The following CENPE variants were observed in gnomAD, a reference collection of about 807,000 sequenced individuals.
CENPE encodes centromere protein E.
In CENPE, 145 loss-of-function variants were observed where a neutral mutation model predicts 336.1. The observed-to-expected ratio is 0.43, with a 90% confidence interval of 0.38 to 0.50. The LOEUF (loss-of-function observed/expected upper bound fraction) is 0.50. Among genes scored for constraint, CENPE ranks in the 20% least tolerant of loss-of-function variants. CENPE has a pLI of 0.00. For synonymous variants in CENPE, 1,013 were observed against 984.8 expected, an observed-to-expected ratio of 1.03 and a Z score of -0.54; for missense variants, 2,719 against 3,023.3, an observed-to-expected ratio of 0.90 and a Z score of 2.36.
At chr4:103,176,187 C>A in intron 14 of CENPE, 139 bp from the exon 15 acceptor site, 1 of 508,162 alleles carries the variant, frequency 2.0e-6, no homozygotes, top group Non-Finnish European at 3.5e-6. Flanking sequence ...AGTATGAATA[C>A]CAAAAGTACA....
chr4:103,115,011 T>C (rs2720452), intron 45 of CENPE, among the ~76,000 whole-genome samples: 24,721 of 152,148 alleles, frequency 0.16, 2,379 homozygotes, highest in Non-Finnish European at 0.2. Flanking sequence ...TGTTCTCCAG[T>C]AGAAAGAGAC....
chr4:103,125,565 T>C (rs913303142), intron 42 of CENPE, among the ~76,000 whole-genome samples: 2 of 151,800 alleles, frequency 1.3e-5, no homozygotes, highest in African/African-American at 4.8e-5. Flanking sequence ...TTTTAGGTGT[T>C]TAGAAGTTGC....
chr4:103,187,948 A>T (rs1756945242), intron 8 of CENPE, among the ~76,000 whole-genome samples: 1 of 152,148 alleles, frequency 6.6e-6, no homozygotes, highest in South Asian at 2.1e-4. Context: ...GGATGGAGGA[A>T]GATCTACCAA....
intron 33 of CENPE, 80 bp downstream of exon 33, chr4:103,144,251 C>T (rs965864758): frequency 2.0e-5 from 26 of 1,302,476 alleles, no homozygotes; most frequent in Non-Finnish European, 2.4e-5. Context: ...CAATTTTATA[C>T]TCCCACCAAC....
In CENPE at chr4:103,143,528, T is replaced by A. The variant is rs148392576; in HGVS notation, c.5146-122A>T. ...TTCTGAGGCCTCCTAGTTCTCACCC[T>A]CTAAGCTACTTTTAGATGTCAATAC... On this transcript the variant is annotated intron_variant, in intron 33 of 48. Transcript: ENST00000265148. 120 of 668,872 alleles carry A rather than the reference T, an allele frequency of 1.8e-4. No individual in the cohort carries two copies. The East Asian group carries it at 3.1e-3, about 17-fold the overall frequency. 41.4% of individuals were successfully genotyped at this position (668,872 alleles called of 1,614,324 possible). A position where few individuals can be genotyped will look rare whatever the true frequency, so the allele number is the denominator to read the frequency against.
Position 103,195,986 on chromosome 4 carries a change from C to T in CENPE, c.291G>A (p.Met97Ile). 1 of 1,613,796 alleles carries T rather than the reference C, an allele frequency of 6.2e-7. No individual in the cohort carries two copies. Among genetic ancestry groups the T allele is most frequent in the Non-Finnish European group, 8.5e-7 (1 of 1,179,794 alleles). The stretch of plus-strand genomic sequence containing the variant: ...TAACTCCCAAATGATCTTCTGAACC[C>T]ATCATGGTATATGTTTTTCCTGAAG... The part of the protein sequence containing the change: ...QTASGKTYTM[M>I]GSEDHLGVIP... The change falls in exon 4 of 49, where the codon ATG (methionine) becomes ATA (isoleucine). Residue 97 changes from methionine to isoleucine, a missense_variant. Physicochemically the swap from Met to Ile is conservative, Grantham distance 10. Transcript: ENST00000265148.
At chr4:103,151,179 G>A (rs1753514083) in intron 26 of CENPE, 40 bp downstream of exon 26, 4 of 1,565,750 alleles carry the variant, frequency 2.6e-6, no homozygotes, top group Non-Finnish European at 1.7e-6. Context: ...AAAAAGTTTA[G>A]TTAGAAAAAA....
Position 103,141,758 on chromosome 4 carries a change from G to T in CENPE, c.5455C>A (p.Gln1819Lys). The stretch of plus-strand genomic sequence containing the variant: ...TCCCCCCATAAAAATACCTTTTCTT[G>T]TAATTTAGCATTTGAATTTTCTAAA... Reference protein sequence around the residue: ...KDLENSNAKLQEKIQELKANE... With the variant: ...KDLENSNAKLKEKIQELKANE... Residue 1819 changes from glutamine (Q) to lysine (K), a missense_variant, in exon 35 of 49, where the codon CAA becomes AAA. Around this residue, in one of 5 missense-constraint regions of CENPE, gnomAD observed 2,437 missense variants for 2,513.3 expected, o/e 0.97. Coordinates refer to ENST00000265148, the MANE Select transcript of CENPE (RefSeq NM_001813.3). 6.6e-7 allele frequency: 1 copy of T among 1,514,848 alleles called. No homozygotes were observed. The highest frequency in any genetic ancestry group is 9.0e-7 in the Non-Finnish European group (1 of 1,107,280). The allele number at this position is 1,514,848 out of a possible 1,614,324, so 93.8% of individuals were successfully genotyped here. A position where few individuals can be genotyped will look rare whatever the true frequency, so the allele number is the denominator to read the frequency against.
intron 42 of CENPE, among the ~76,000 whole-genome samples, chr4:103,129,879 A>G (rs1578568216): frequency 2.0e-5 from 3 of 152,240 alleles, no homozygotes; most frequent in African/African-American, 7.2e-5. Flanking sequence ...TTTAACATTC[A>G]AAAATCAATT....
chr4:103,177,455 T>A lies in CENPE; in HGVS notation c.1243-409A>T, dbSNP rs540983720. On this transcript the variant is annotated intron_variant, in intron 13 of 48. Transcript: ENST00000265148. Reference sequence around the variant, plus strand: ...CTTGACTCTTTACTGGGTGCAAGTATCATCTCATCTTATTTGACTCTCTCG... The same window carrying A: ...CTTGACTCTTTACTGGGTGCAAGTAACATCTCATCTTATTTGACTCTCTCG... Among the ~76,000 whole-genome samples, 5 of 152,060 alleles carry A rather than the reference T, an allele frequency of 3.3e-5. No homozygotes were observed. In the South Asian group the frequency reaches 1.0e-3, roughly 32 times the overall value.
intron 32 of CENPE, 134 bp from the exon 33 acceptor site, chr4:103,144,752 A>G (rs1752868552): frequency 3.1e-6 from 2 of 651,276 alleles, no homozygotes; most frequent in South Asian, 4.2e-5. Flanking sequence ...AAGGGATATG[A>G]GTAACAATAA....
Position 103,147,454 on chromosome 4 carries a change from A to G in CENPE, c.4036T>C (p.Ser1346Pro), listed in dbSNP as rs548664264. 9 of 1,613,874 alleles carry G rather than the reference A, an allele frequency of 5.6e-6. No homozygotes were observed. In the African/African-American group the frequency reaches 1.2e-4, roughly 22 times the overall value. The change falls in exon 29 of 49, where the codon TCT becomes CCT. Residue 1346 changes from serine (S) to proline (P), a missense_variant. By Grantham distance (74) the Ser-to-Pro change is moderately conservative. Around this residue, in one of 5 missense-constraint regions of CENPE, gnomAD observed 2,437 missense variants for 2,513.3 expected, o/e 0.97. Transcript: ENST00000265148. ...AGGTTGTCTCTTTCCTTGGTTAGAG[A>G]TTTTATCTCTTCCTGACTTTCTTGA... ...KFQESQEEIK[S>P]LTKERDNLKT...
intron 48 of CENPE, among the ~76,000 whole-genome samples, chr4:103,108,346 C>T (rs558739406): frequency 6.6e-6 from 1 of 151,822 alleles, no homozygotes; most frequent in East Asian, 1.9e-4. Flanking sequence ...CAATGTGCCA[C>T]CAGGATCTAA....
In CENPE at chr4:103,182,512, A is replaced by C. The variant is rs111901437; in HGVS notation, c.963+250T>G. Among the ~76,000 whole-genome samples the C allele has an allele frequency of 1.7e-3, 255 of 152,338 alleles. 3 individuals carry two copies. The highest frequency in any genetic ancestry group is 5.7e-3 in the African/African-American group (239 of 41,580). ...TCCTTTTACAATAAATTAAGTACAA[A>C]AAGTGAGTTATTTTAAAAATATCAA... On this transcript the variant is annotated intron_variant, in intron 11 of 48. Transcript: ENST00000265148.
chr4:103,120,395 T>C (rs1431205395), intron 43 of CENPE, 62 bp from the exon 44 acceptor site: 4 of 1,366,774 alleles, frequency 2.9e-6, no homozygotes, highest in Non-Finnish European at 4.0e-6. Context: ...GTATAGAAAT[T>C]TGAGACAGAG....
chr4:103,148,840 A>G lies in CENPE; in HGVS notation c.3843+4T>C, dbSNP rs374625211. On this transcript the variant is annotated splice_donor_region_variant and intron_variant, in intron 28 of 48. Coordinates refer to ENST00000265148, the MANE Select transcript of CENPE (RefSeq NM_001813.3). Reference sequence around the variant, plus strand: ...ACAAAGGATGAAAGGAATAAAAGACATACCTCTTCTTGTAATTTGGTATGG... The same window carrying G: ...ACAAAGGATGAAAGGAATAAAAGACGTACCTCTTCTTGTAATTTGGTATGG... The G allele has an allele frequency of 6.2e-7, 1 of 1,609,766 alleles. No individual in the cohort carries two copies.
chr4:103,136,397 C>A, intron 39 of CENPE, 38 bp from the exon 40 acceptor site: 1 of 1,385,542 alleles, frequency 7.2e-7, no homozygotes, highest in South Asian at 1.2e-5. Context: ...TATAACAATT[C>A]ATTCTAATAT....
At chr4:103,144,157 T>C (rs1054521275) in intron 33 of CENPE, among the ~76,000 whole-genome samples, 174 bp downstream of exon 33, 3 of 152,084 alleles carry the variant, frequency 2.0e-5, no homozygotes, top group Non-Finnish European at 4.4e-5. Flanking sequence ...AGGATGGTCT[T>C]GATCTCCTGA....
intron 34 of CENPE, 42 bp downstream of exon 34, chr4:103,143,206 A>T (rs1224802322): frequency 1.4e-6 from 2 of 1,443,198 alleles, no homozygotes; most frequent in Middle Eastern, 2.3e-4. Flanking sequence ...AAAAAGTTTG[A>T]TTCAAACTCT....
Sources: gnomAD v4.1 joint callset for allele counts (sites outside exome capture counted in the v4.1 genomes callset) on GRCh38, gnomAD v4.1.1 for gene constraint, gnomAD v4.1.1 regional missense constraint, MANE v1.5 for transcripts, NCBI Gene and HGNC (gene_info 2026-07-23, HGNC 2026-07-21) for gene names.